The following ANKRD36 variants were observed in gnomAD, a reference collection of about 807,000 sequenced individuals.
ANKRD36 encodes ankyrin repeat domain-containing protein 36A.
In ANKRD36, 179 loss-of-function variants were observed where a neutral mutation model predicts 278.1. The ratio of observed to expected loss-of-function variants is 0.64; its 90% CI spans 0.57 to 0.73. The LOEUF is 0.73. ANKRD36 is among the 30% of genes least tolerant of loss of function. The pLI is 0.00. For missense variants in ANKRD36, 1,159 were observed against 1,956.7 expected, an observed-to-expected ratio of 0.59 and a Z score of 7.69; for synonymous variants, 320 against 641.1, an observed-to-expected ratio of 0.50 and a Z score of 7.57.
Position 97,263,482 on chromosome 2 carries a change from A to G in ANKRD36, c.*7-847A>G, listed in dbSNP as rs1322925060. On this transcript the variant is annotated intron_variant, in intron 75 of 75. Transcript: ENST00000420699. ...AGGTACTTGTTAAGGTCTTTAGCTCATGTCTTTTACTGCTCAGCTTTAAGA... is the reference window on the plus strand; with the variant it reads ...AGGTACTTGTTAAGGTCTTTAGCTCGTGTCTTTTACTGCTCAGCTTTAAGA... Among the ~76,000 whole-genome samples the G allele has an allele frequency of 1.1e-3, 75 of 69,634 alleles. 2 individuals are homozygous for G. Among genetic ancestry groups the G allele is most frequent in the African/African-American group, 7.0e-3 (71 of 10,118 alleles). 45.7% of individuals were successfully genotyped at this position (69,634 alleles called of 152,430 possible).
intron 6 of ANKRD36, among the ~76,000 whole-genome samples, chr2:97,132,560 G>A (rs1380748500): frequency 6.6e-6 from 1 of 151,746 alleles, no homozygotes; most frequent in African/African-American, 2.4e-5. Flanking sequence ...AGGGAAAGGT[G>A]TTTTATAAAC....
At chr2:97,163,792 G>GTCTCCATC (rs2049858239) in intron 18 of ANKRD36, 1 of 537,236 alleles carries the variant, frequency 1.9e-6, no homozygotes, top group Admixed American at 5.9e-5. Context: ...AGCCAGGATG[G>GTCTCCATC]TCTCCATCTC....
chr2:97,187,522 G>T lies in ANKRD36; in HGVS notation c.2143+121G>T, dbSNP rs2057689955. On this transcript the variant is annotated intron_variant, in intron 32 of 75. Coordinates refer to ENST00000420699, the MANE Select transcript of ANKRD36 (RefSeq NM_001354587.1). ...CGCCGAAGCTGCACATTCTGATCCA[G>T]CAGGTCTGAGAGTCTTCATTTGTAA... 8 of 1,367,936 alleles carry T rather than the reference G, an allele frequency of 5.8e-6. No individual in the cohort carries two copies. The African/African-American group carries it at 5.9e-5, about 10-fold the overall frequency. The allele number at this position is 1,367,936 out of a possible 1,614,324, so 84.7% of individuals were successfully genotyped here. A position where few individuals can be genotyped will look rare whatever the true frequency, so the allele number is the denominator to read the frequency against.
Position 97,188,672 on chromosome 2 carries a change from G to A in ANKRD36, c.2144-415G>A, listed in dbSNP as rs542085449. The stretch of plus-strand genomic sequence containing the variant: ...GGGCAAGTTAAAGAGCATGATGAAT[G>A]TTTGTAGTACAATGGTGTAAATCCT... On this transcript the variant is annotated intron_variant, in intron 32 of 75. Transcript: ENST00000420699. Among the ~76,000 whole-genome samples, 16 of 90,302 alleles carry A rather than the reference G, an allele frequency of 1.8e-4. 6 individuals are homozygous for A. The highest frequency in any genetic ancestry group is 5.4e-4 in the Non-Finnish European group (14 of 25,704). 59.2% of individuals were successfully genotyped at this position (90,302 alleles called of 152,430 possible).
intron 69 of ANKRD36, among the ~76,000 whole-genome samples, chr2:97,242,193 G>A (rs1412636696): frequency 6.6e-6 from 1 of 151,508 alleles, no homozygotes; most frequent in Non-Finnish European, 1.5e-5. Context: ...AGGAGGCTGA[G>A]GCAGGAGAAT....
intron 12 of ANKRD36, 71 bp downstream of exon 12, chr2:97,149,432 C>T: frequency 1.5e-6 from 2 of 1,297,860 alleles, no homozygotes; most frequent in Non-Finnish European, 1.0e-6. Context: ...TCTTCTAAAA[C>T]TTAGCAGTTG....
chr2:97,198,524 T>C (rs1332202601), intron 43 of ANKRD36, 33 bp downstream of exon 43: 1 of 1,569,946 alleles, frequency 6.4e-7, no homozygotes, highest in African/African-American at 1.4e-5. Flanking sequence ...TGTGACCTAG[T>C]AAATGCATAG....
intron 6 of ANKRD36, among the ~76,000 whole-genome samples, chr2:97,142,180 G>C (rs1032394080): frequency 1.3e-5 from 2 of 152,296 alleles, no homozygotes; most frequent in Admixed American, 6.5e-5. Context: ...TCGTAATTGT[G>C]TACCTTCTCA....
intron 22 of ANKRD36, among the ~76,000 whole-genome samples, chr2:97,168,562 C>A: frequency 6.6e-6 from 1 of 152,312 alleles, no homozygotes; most frequent in African/African-American, 2.4e-5. Flanking sequence ...GCCCATCAAC[C>A]CATCAGCTAC....
intron 44 of ANKRD36, 112 bp from the exon 45 acceptor site, chr2:97,200,222 G>T (rs1166039913): frequency 5.7e-5 from 90 of 1,580,222 alleles, no homozygotes; most frequent in Non-Finnish European, 7.0e-5. Context: ...AGCCATCAAA[G>T]CCTCCACTAA....
At chr2:97,158,425 C>T (rs2048063965) in intron 16 of ANKRD36, among the ~76,000 whole-genome samples, 163 bp from the exon 17 acceptor site, 3 of 152,018 alleles carry the variant, frequency 2.0e-5, no homozygotes, top group Admixed American at 6.6e-5. Context: ...TGGAGTTTCA[C>T]CATGTTGGCC....
chr2:97,172,857 G>GTT lies in ANKRD36; in HGVS notation c.1633+5091_1633+5092insTT, dbSNP rs1233952119. Among the ~76,000 whole-genome samples, 60 of 148,912 alleles carry GTT rather than the reference G, an allele frequency of 4.0e-4. No homozygotes were observed. The East Asian group carries it at 9.9e-3, about 24-fold the overall frequency. On this transcript the variant is annotated intron_variant, in intron 22 of 75. Transcript: ENST00000420699. ...TGTGTGTGTGTGTGTGTGTGTGTGT[G>GTT]TATGTGTGTGTATTTTTTTCTCTTC...
At chr2:97,153,116 C>T (rs1161735258) in intron 14 of ANKRD36, among the ~76,000 whole-genome samples, 40 of 147,954 alleles carry the variant, frequency 2.7e-4, no homozygotes, top group African/African-American at 4.8e-4. Flanking sequence ...TCTTACTGTG[C>T]TTGGAGAATA....
intron 66 of ANKRD36, among the ~76,000 whole-genome samples, chr2:97,219,583 G>A (rs1448462466): frequency 6.7e-6 from 1 of 148,400 alleles, no homozygotes; most frequent in East Asian, 2.1e-4. Flanking sequence ...CCTGGTTCAA[G>A]CAATTCTCTT....
intron 22 of ANKRD36, among the ~76,000 whole-genome samples, chr2:97,168,572 C>T (rs2051433385): frequency 6.6e-6 from 1 of 152,428 alleles, no homozygotes; most frequent in Admixed American, 6.5e-5. Context: ...CCATCAGCTA[C>T]ATTAGGTATT....
chr2:97,154,259 TC>T (rs2046882521), intron 14 of ANKRD36, among the ~76,000 whole-genome samples: 1 of 148,098 alleles, frequency 6.8e-6, no homozygotes, highest in Non-Finnish European at 1.5e-5. Flanking sequence ...CCGTGCCTTT[TC>T]TACCTTGTTT....
At chr2:97,180,014 G>A in intron 24 of ANKRD36, 81 bp downstream of exon 24, 2 of 1,584,390 alleles carry the variant, frequency 1.3e-6, no homozygotes, top group Non-Finnish European at 1.7e-6. Flanking sequence ...TCAGTGGGGA[G>A]TCCATCTAAG....
At position 97,209,849 on chromosome 2, in the gene ANKRD36, AGG is replaced by A. The variant is rs754323989; in HGVS notation, c.3345_3346del (p.Asp1116TrpfsTer5). On this transcript the variant is annotated frameshift_variant, in exon 56 of 76. Coordinates refer to ENST00000420699, the MANE Select transcript of ANKRD36 (RefSeq NM_001354587.1). LOFTEE classifies it high-confidence loss of function. ...GTTTTGTATATAGCCAGAGAAAAAAAGGATGGAGAAAAATCTAGGACAGGTAA... is the reference window on the plus strand; with the variant it reads ...GTTTTGTATATAGCCAGAGAAAAAAAATGGAGAAAAATCTAGGACAGGTAA... 3.8e-6 allele frequency: 6 copies of A among 1,588,986 alleles called. No individual in the cohort carries two copies. In the South Asian group the frequency reaches 6.8e-5, roughly 18 times the overall value.
chr2:97,206,210 G>C (rs1357293490), intron 52 of ANKRD36, 75 bp downstream of exon 52: 2 of 1,399,206 alleles, frequency 1.4e-6, no homozygotes, highest in Non-Finnish European at 1.9e-6. Context: ...GTAAATCAGC[G>C]GGGGGCTCAT....
Sources: allele counts gnomAD v4.1 joint callset (sites outside exome capture counted in the v4.1 genomes callset), GRCh38; gene constraint gnomAD v4.1.1; transcripts MANE v1.5; gene names NCBI Gene and HGNC (gene_info 2026-07-23, HGNC 2026-07-21).